CSMD1: variants seen among roughly 807,000 people sequenced by gnomAD.
CSMD1 encodes the protein CUB and Sushi multiple domains 1.
A neutral mutation model predicts 417.5 loss-of-function variants in CSMD1; 213 were observed. That is an observed-to-expected ratio of 0.51 (90% CI 0.46 to 0.57). The LOEUF is 0.57. Among genes scored for constraint, CSMD1 ranks in the 20% least tolerant of loss-of-function variants. The probability of loss-of-function intolerance (pLI) is 0.00; values close to 1 mark genes in which losing one functional copy is unlikely to be tolerated. For missense variants in CSMD1, 6,923 were observed against 4,529.7 expected (o/e 1.53, Z -15.17); for synonymous variants, 2,862 against 1,736.8 (o/e 1.65, Z -16.11).
chr8:4,952,714 G>C (rs192524833), intron 1 of CSMD1, among the ~76,000 whole-genome samples: 124 of 152,146 alleles, frequency 8.2e-4, no homozygotes, highest in African/African-American at 3.0e-3. Context: ...GTATTAAAAT[G>C]AGTATATCAA....
At chr8:3,280,398 G>C (rs1459042483) in intron 26 of CSMD1, among the ~76,000 whole-genome samples, 1 of 152,124 alleles carries the variant, frequency 6.6e-6, no homozygotes, top group Non-Finnish European at 1.5e-5. Flanking sequence ...CAGAGTTGTA[G>C]TCTAGACTAT....
intron 5 of CSMD1, among the ~76,000 whole-genome samples, chr8:3,762,257 G>A (rs1442352294): frequency 1.3e-5 from 2 of 152,010 alleles, no homozygotes; most frequent in Non-Finnish European, 2.9e-5. Context: ...TCCCTTACCT[G>A]GAGATCAGCA....
chr8:4,611,846 A>C (rs555768996), intron 2 of CSMD1, among the ~76,000 whole-genome samples: 28 of 152,334 alleles, frequency 1.8e-4, no homozygotes, highest in African/African-American at 6.3e-4. Context: ...ATTCCTCACC[A>C]GGGTTTGAAG....
At chr8:4,486,969 C>A (rs954200346) in intron 2 of CSMD1, among the ~76,000 whole-genome samples, 12 of 152,142 alleles carry the variant, frequency 7.9e-5, no homozygotes, top group African/African-American at 2.9e-4. Context: ...GAGAGAGATG[C>A]ACAGCTGACG....
rs1027838934 is a variant in CSMD1 at position 4,480,370 on chromosome 8, C to G, written c.303-60305G>C. Among the ~76,000 whole-genome samples the G allele has an allele frequency of 2.6e-5, 4 of 152,214 alleles. No individual in the cohort carries two copies. The East Asian group carries it at 7.7e-4, about 29-fold the overall frequency. ...CCTGTTAGCTGAGAAAATTACATTT[C>G]TCACTAGAATATTTGAGCCTTAATT... On this transcript the variant is annotated intron_variant, in intron 2 of 69. Coordinates refer to ENST00000635120, the MANE Select transcript of CSMD1 (RefSeq NM_033225.6).
intron 10 of CSMD1, among the ~76,000 whole-genome samples, chr8:3,508,409 T>C (rs1049216086): frequency 6.6e-5 from 10 of 151,618 alleles, no homozygotes; most frequent in Admixed American, 2.0e-4. Flanking sequence ...CTAATGTAAG[T>C]GACGAGTTAA....
At chr8:4,032,925 C>T (rs1212879225) in intron 3 of CSMD1, among the ~76,000 whole-genome samples, 1 of 152,064 alleles carries the variant, frequency 6.6e-6, no homozygotes, top group African/African-American at 2.4e-5. Flanking sequence ...ATACTCTCTT[C>T]CCTGTTGGAA....
chr8:3,816,661 A>G (rs897434897), intron 5 of CSMD1, among the ~76,000 whole-genome samples: 1 of 152,204 alleles, frequency 6.6e-6, no homozygotes. Flanking sequence ...AAGGAAAAAC[A>G]AATATTTAAG....
chr8:4,873,682 G>C (rs1174115559), intron 1 of CSMD1, among the ~76,000 whole-genome samples: 1 of 152,028 alleles, frequency 6.6e-6, no homozygotes, highest in East Asian at 1.9e-4. Context: ...ACTTATTGAT[G>C]ATACAGTAGA....
At chr8:3,763,011 G>T (rs1416299073) in intron 5 of CSMD1, among the ~76,000 whole-genome samples, 1 of 152,122 alleles carries the variant, frequency 6.6e-6, no homozygotes, top group Non-Finnish European at 1.5e-5. Context: ...CGGACACTTG[G>T]TGATTTGTAT....
At chr8:4,574,767 T>C (rs1022187667) in intron 2 of CSMD1, among the ~76,000 whole-genome samples, 5 of 152,172 alleles carry the variant, frequency 3.3e-5, no homozygotes, top group African/African-American at 1.2e-4. Flanking sequence ...TGAAGCACAA[T>C]GAAAGCAACA....
intron 5 of CSMD1, among the ~76,000 whole-genome samples, chr8:3,914,644 T>G (rs1400498311): frequency 6.6e-6 from 1 of 152,164 alleles, no homozygotes; most frequent in Non-Finnish European, 1.5e-5. Context: ...CTCTCAGATC[T>G]CCACCTAGTC....
chr8:4,357,038 T>C (rs1039393174), intron 3 of CSMD1, among the ~76,000 whole-genome samples: 3 of 152,242 alleles, frequency 2.0e-5, no homozygotes, highest in African/African-American at 7.2e-5. Context: ...TTACATTGTA[T>C]GCAGTTATTA....
chr8:3,559,416 G>A (rs1200725029), intron 10 of CSMD1, among the ~76,000 whole-genome samples: 1 of 152,158 alleles, frequency 6.6e-6, no homozygotes, highest in African/African-American at 2.4e-5. Flanking sequence ...GTTCATCTGG[G>A]AATATACGCA....
intron 52 of CSMD1, among the ~76,000 whole-genome samples, chr8:3,009,278 T>A (rs1263487293): frequency 6.6e-6 from 1 of 152,230 alleles, no homozygotes; most frequent in African/African-American, 2.4e-5. Flanking sequence ...TAGAACGGAA[T>A]CCATTTTTAG....
intron 1 of CSMD1, among the ~76,000 whole-genome samples, chr8:4,773,424 C>T (rs1009644532): frequency 2.0e-5 from 3 of 152,134 alleles, no homozygotes; most frequent in African/African-American, 2.4e-5. Context: ...GCTTTACTAA[C>T]GTATCGCTGT....
chr8:3,087,504 A>G (rs961068929), intron 48 of CSMD1, among the ~76,000 whole-genome samples: 17 of 152,216 alleles, frequency 1.1e-4, no homozygotes, highest in African/African-American at 4.1e-4. Context: ...CTCTGAGTCA[A>G]TGTGAAGCTA....
intron 23 of CSMD1, among the ~76,000 whole-genome samples, chr8:3,309,349 T>TAATG (rs2117401063): frequency 6.6e-6 from 1 of 151,766 alleles, no homozygotes; most frequent in South Asian, 2.1e-4. Context: ...GCTCCTGAAT[T>TAATG]ACTGCCGACC....
At chr8:3,180,490 A>G (rs966410930) in intron 37 of CSMD1, among the ~76,000 whole-genome samples, 1 of 152,228 alleles carries the variant, frequency 6.6e-6, no homozygotes, top group Admixed American at 6.5e-5. Context: ...TTAATTACTC[A>G]TAAAAAACTA....
Sources: allele counts gnomAD v4.1 joint callset (sites outside exome capture counted in the v4.1 genomes callset), GRCh38; gene constraint gnomAD v4.1.1; transcripts MANE v1.5; gene names NCBI Gene and HGNC (gene_info 2026-07-23, HGNC 2026-07-21).